The following MACROD2 variants were observed in gnomAD, a reference collection of about 807,000 sequenced individuals.
MACROD2 encodes the protein ADP-ribose glycohydrolase MACROD2.
MACROD2 carries 36 observed loss-of-function variants against 70.4 expected under a neutral mutation model. The observed-to-expected ratio is 0.51, with a 90% CI of 0.39 to 0.68. The LOEUF (loss-of-function observed/expected upper bound fraction) is 0.68, where lower values mean the gene tolerates loss of function less well. Among genes scored for constraint, MACROD2 ranks in the 30% least tolerant of loss-of-function variants. The probability of loss-of-function intolerance (pLI) is 0.00; values close to 1 mark genes in which losing one functional copy is unlikely to be tolerated. For synonymous variants in MACROD2, 172 were observed against 178.8 expected (o/e 0.96, Z 0.30); for missense variants, 496 against 538.4 (o/e 0.92, Z 0.78).
chr20:14,627,860 A>G (rs1479389089), intron 4 of MACROD2, among the ~76,000 whole-genome samples: 2 of 152,188 alleles, frequency 1.3e-5, no homozygotes, highest in African/African-American at 2.4e-5. Context: ...TCTGGATTCA[A>G]TGACAAAAAA....
chr20:15,140,517 G>C (rs2076183928), intron 5 of MACROD2, among the ~76,000 whole-genome samples: 1 of 152,126 alleles, frequency 6.6e-6, no homozygotes, highest in Admixed American at 6.6e-5. Context: ...GGGAGGACTT[G>C]ATATCCTTTG....
intron 5 of MACROD2, among the ~76,000 whole-genome samples, chr20:14,755,020 A>G (rs1202971310): frequency 1.3e-5 from 2 of 152,058 alleles, no homozygotes; most frequent in Non-Finnish European, 2.9e-5. Flanking sequence ...ATCTTGATTC[A>G]CTTATCAGCT....
chr20:14,213,369 A>AAAAAAG (rs2081586555), intron 3 of MACROD2, among the ~76,000 whole-genome samples: 1 of 146,578 alleles, frequency 6.8e-6, no homozygotes, highest in African/African-American at 2.5e-5. Context: ...GGCAAAAAAA[A>AAAAAAG]AAAAAAAAAA....
At chr20:15,729,388 A>G (rs181970923) in intron 8 of MACROD2, among the ~76,000 whole-genome samples, 1 of 152,156 alleles carries the variant, frequency 6.6e-6, no homozygotes, top group Non-Finnish European at 1.5e-5. Flanking sequence ...AGTTCTGTAG[A>G]TGTCTCTTAG....
chr20:14,411,198 T>C (rs2083745254), intron 3 of MACROD2, among the ~76,000 whole-genome samples: 1 of 152,142 alleles, frequency 6.6e-6, no homozygotes, highest in East Asian at 1.9e-4. Context: ...CTAAACTTGA[T>C]ATGAGCCAAG....
chr20:14,265,054 G>C (rs1221849959), intron 3 of MACROD2, among the ~76,000 whole-genome samples: 1 of 152,226 alleles, frequency 6.6e-6, no homozygotes, highest in Non-Finnish European at 1.5e-5. Flanking sequence ...GATGTTTCAT[G>C]TGCTGCTTCT....
intron 12 of MACROD2, among the ~76,000 whole-genome samples, chr20:15,939,912 TA>T (rs1266127307): frequency 6.6e-6 from 1 of 152,060 alleles, no homozygotes; most frequent in African/African-American, 2.4e-5. Flanking sequence ...AGGAAGTAAC[TA>T]AAGATGTGGT....
intron 3 of MACROD2, among the ~76,000 whole-genome samples, chr20:14,485,701 C>CAAAAAA (rs1276490399): frequency 6.5e-5 from 4 of 61,848 alleles, no homozygotes; most frequent in East Asian, 7.3e-4. Context: ...GACTCCGTCT[C>CAAAAAA]AAAAAAAAAA....
chr20:15,536,880 G>A (rs548402954), intron 8 of MACROD2, among the ~76,000 whole-genome samples: 2 of 152,186 alleles, frequency 1.3e-5, no homozygotes, highest in African/African-American at 4.8e-5. Context: ...ATGCTTAAGT[G>A]GAGTTTTCTT....
chr20:15,029,485 T>C (rs1283863352), intron 5 of MACROD2, among the ~76,000 whole-genome samples: 2 of 152,178 alleles, frequency 1.3e-5, no homozygotes, highest in Admixed American at 6.5e-5. Context: ...GGACTTAGAA[T>C]TTTCATATCT....
At chr20:14,691,716 T>C (rs1456199775) in intron 5 of MACROD2, among the ~76,000 whole-genome samples, 1 of 152,168 alleles carries the variant, frequency 6.6e-6, no homozygotes, top group East Asian at 1.9e-4. Flanking sequence ...CCAGCAGGTG[T>C]CTGATTGTGA....
chr20:15,211,443 C>A (rs1227660176), intron 5 of MACROD2, among the ~76,000 whole-genome samples: 2 of 151,942 alleles, frequency 1.3e-5, no homozygotes, highest in African/African-American at 2.4e-5. Context: ...AAATGTAATC[C>A]CCAATGTTGG....
intron 3 of MACROD2, among the ~76,000 whole-genome samples, chr20:14,210,774 G>A (rs1245292021): frequency 3.9e-5 from 6 of 152,188 alleles, no homozygotes; most frequent in African/African-American, 9.6e-5. Context: ...CCCAATAAGA[G>A]TGGTAAAAGT....
At chr20:14,619,950 G>A in intron 4 of MACROD2, among the ~76,000 whole-genome samples, 1 of 152,160 alleles carries the variant, frequency 6.6e-6, no homozygotes, top group Non-Finnish European at 1.5e-5. Flanking sequence ...AGGGAAGATA[G>A]CAAATTATGA....
rs548313797 is a variant in MACROD2, at chr20:14,758,298, T to C, written c.418+73339T>C. ...TCAGTATTTGTAATGTCATTATCCATTTTAGGATAATTTCAACATTTGTTT... is the reference window on the plus strand; with the variant it reads ...TCAGTATTTGTAATGTCATTATCCACTTTAGGATAATTTCAACATTTGTTT... On this transcript the variant is annotated intron_variant, in intron 5 of 17. Coordinates refer to ENST00000684519, the MANE Select transcript of MACROD2 (RefSeq NM_001351661.2). Among the ~76,000 whole-genome samples, 78 of 152,218 alleles carry C rather than the reference T, an allele frequency of 5.1e-4. 1 individual carries two copies. Among genetic ancestry groups the C allele is most frequent in the African/African-American group, 1.8e-3 (75 of 41,496 alleles).
intron 5 of MACROD2, among the ~76,000 whole-genome samples, chr20:14,924,333 G>A (rs150750692): frequency 0.018 from 2,769 of 152,154 alleles, 43 homozygotes; most frequent in Non-Finnish European, 0.028. Context: ...CAGCTACTGG[G>A]AAGGATGAGG....
chr20:14,742,194 T>C (rs1418412540), intron 5 of MACROD2, among the ~76,000 whole-genome samples: 1 of 152,134 alleles, frequency 6.6e-6, no homozygotes, highest in Non-Finnish European at 1.5e-5. Context: ...TGAGCTGAGG[T>C]TGTGGCTGGT....
intron 5 of MACROD2, among the ~76,000 whole-genome samples, chr20:14,845,452 T>C (rs2073130062): frequency 6.6e-6 from 1 of 152,052 alleles, no homozygotes; most frequent in Non-Finnish European, 1.5e-5. Flanking sequence ...TTGAGGCACA[T>C]GTTTATTCAA....
intron 4 of MACROD2, among the ~76,000 whole-genome samples, chr20:14,577,026 A>C (rs1685142916): frequency 6.6e-6 from 1 of 152,160 alleles, no homozygotes; most frequent in African/African-American, 2.4e-5. Context: ...GAATAGCCTC[A>C]TTTGGAGATA....
Sources: gnomAD v4.1 joint callset for allele counts (sites outside exome capture counted in the v4.1 genomes callset) on GRCh38, gnomAD v4.1.1 for gene constraint, MANE v1.5 for transcripts, NCBI Gene and HGNC (gene_info 2026-07-23, HGNC 2026-07-21) for gene names.